Variants in RELB observed in about 807,000 individuals in gnomAD.
RELB encodes the protein transcription factor RelB.
Under a neutral mutation model 55.4 loss-of-function variants are expected in RELB, and 14 were observed. The observed-to-expected ratio is 0.25, with a 90% CI of 0.17 to 0.40. The LOEUF is 0.40. Ranked by LOEUF, RELB falls within the 10% of genes least tolerant of loss-of-function variation. RELB has a pLI of 1.00. For synonymous variants in RELB, 409 were observed against 371.3 expected (o/e 1.10, Z -1.17); for missense variants, 669 against 830.7 (o/e 0.81, Z 2.39).
At chr19:45,004,027 A>G (rs1308755333) in intron 2 of RELB, among the ~76,000 whole-genome samples, 4 of 146,098 alleles carry the variant, frequency 2.7e-5, no homozygotes, top group Non-Finnish European at 4.5e-5. Context: ...GGGTTCAGCA[A>G]TTCTCCTGCC....
At position 45,009,802 on chromosome 19, in the gene RELB, T is replaced by C. The variant is rs903736779; in HGVS notation, c.155-12T>C. 6.3e-7 allele frequency: 1 copy of C among 1,599,100 alleles called. No individual in the cohort carries two copies. Among genetic ancestry groups the C allele is most frequent in the African/African-American group, 1.3e-5 (1 of 74,892 alleles). ...CCTTACCTTTCTCTTTCTCTTTCTC[T>C]TCCTTCCACAGATGAATTGGGTGAG... On this transcript the variant is annotated splice_polypyrimidine_tract_variant and intron_variant, in intron 2 of 11. Coordinates refer to ENST00000221452, the MANE Select transcript of RELB (RefSeq NM_006509.4).
At chr19:45,037,314 A>C in intron 11 of RELB, 91 bp from the exon 12 acceptor site, 1 of 1,332,342 alleles carries the variant, frequency 7.5e-7, no homozygotes, top group Non-Finnish European at 9.9e-7. Flanking sequence ...CCTTGATATC[A>C]CATTTTGCAG....
Position 45,037,791 on chromosome 19 carries a change from C to A in RELB, c.*1C>A. 6.8e-7 allele frequency: 1 copy of A among 1,479,924 alleles called. No individual in the cohort carries two copies. 91.7% of individuals were successfully genotyped at this position (1,479,924 alleles called of 1,614,324 possible). On this transcript the variant is annotated 3_prime_UTR_variant, in exon 12 of 12. Coordinates refer to ENST00000221452, the MANE Select transcript of RELB (RefSeq NM_006509.4). Reference sequence around the variant, plus strand: ...ATCCCCGGGGCCTGAAGCCACGTAGCCCCGCGATGCCAGAGGAGGGGCACT... The same window carrying A: ...ATCCCCGGGGCCTGAAGCCACGTAGACCCGCGATGCCAGAGGAGGGGCACT...
intron 7 of RELB, among the ~76,000 whole-genome samples, chr19:45,028,322 A>G (rs1308750361): frequency 1.3e-5 from 2 of 151,864 alleles, no homozygotes; most frequent in Non-Finnish European, 2.9e-5. Flanking sequence ...TTGCCTAGCA[A>G]AGGATCTTCT....
intron 11 of RELB, among the ~76,000 whole-genome samples, chr19:45,036,811 T>C (rs1332686637): frequency 2.0e-5 from 3 of 152,224 alleles, no homozygotes; most frequent in Non-Finnish European, 4.4e-5. Context: ...GCCAGGTAGC[T>C]GGGACTACAG....
intron 7 of RELB, among the ~76,000 whole-genome samples, chr19:45,027,633 A>G (rs921782687): frequency 2.6e-5 from 4 of 152,090 alleles, no homozygotes; most frequent in African/African-American, 4.8e-5. Flanking sequence ...GCGCTCAATT[A>G]CTGCTGAGCT....
intron 8 of RELB, 39 bp from the exon 9 acceptor site, chr19:45,032,495 G>C: frequency 1.3e-6 from 2 of 1,534,448 alleles, no homozygotes; most frequent in South Asian, 1.2e-5. Flanking sequence ...CAGTGGTCCA[G>C]ATGTCCTGGC....
chr19:45,007,931 C>T (rs910789396), intron 2 of RELB, among the ~76,000 whole-genome samples: 3 of 141,240 alleles, frequency 2.1e-5, no homozygotes, highest in South Asian at 2.3e-4. Context: ...CCGAGGTGCG[C>T]GGATCATGAG....
In RELB at chr19:45,025,603, C is replaced by T. The variant is rs1361510706; in HGVS notation, c.755-3C>T. The T allele has an allele frequency of 6.8e-6, 11 of 1,613,820 alleles. No individual in the cohort carries two copies. The highest frequency in any genetic ancestry group is 1.1e-5 in the South Asian group (1 of 91,086). ...CTCAGCCTCCCCATATCTCCCCCGA[C>T]AGCTGGGTCCCTGAAGAACCATCAG... is the stretch of plus-strand genomic sequence containing the variant. On this transcript the variant is annotated splice_region_variant and splice_polypyrimidine_tract_variant and intron_variant, in intron 6 of 11. Coordinates refer to ENST00000221452, the MANE Select transcript of RELB (RefSeq NM_006509.4).
At chr19:45,029,510 C>G (rs1434684846) in intron 8 of RELB, among the ~76,000 whole-genome samples, 1 of 151,652 alleles carries the variant, frequency 6.6e-6, no homozygotes, top group Non-Finnish European at 1.5e-5. Flanking sequence ...CTCAGGAGTT[C>G]GAGACCAGCC....
intron 4 of RELB, among the ~76,000 whole-genome samples, chr19:45,014,794 C>G (rs1971403036): frequency 6.6e-6 from 1 of 152,038 alleles, no homozygotes; most frequent in Admixed American, 6.6e-5. Context: ...GCTGGGATTA[C>G]AGGTGTGAGC....
Position 45,002,973 on chromosome 19 carries a change from C to T in RELB, c.131C>T (p.Ser44Leu). 3 of 1,613,518 alleles carry T rather than the reference C, an allele frequency of 1.9e-6. No homozygotes were observed. The highest frequency in any genetic ancestry group is 2.2e-5 in the South Asian group (2 of 90,994). The change falls in exon 2 of 12, where the codon TCG becomes TTG. Residue 44 changes from serine (S) to leucine (L), a missense_variant. Around this residue, in one of 3 missense-constraint regions of RELB, gnomAD observed 323 missense variants for 368.5 expected, o/e 0.88. Coordinates refer to ENST00000221452, the MANE Select transcript of RELB (RefSeq NM_006509.4). Reference sequence around the variant, plus strand: ...GGGTCCCCCGACCTCTCCTCACTCTCGCTCGCCGTTTCCAGGAGCACAGGT... The same window carrying T: ...GGGTCCCCCGACCTCTCCTCACTCTTGCTCGCCGTTTCCAGGAGCACAGGT... ...ALGSPDLSSL[S>L]LAVSRSTDEL...
intron 4 of RELB, among the ~76,000 whole-genome samples, chr19:45,017,731 T>TCACTGCAACA: frequency 6.7e-6 from 1 of 149,652 alleles, no homozygotes; most frequent in South Asian, 2.1e-4. Context: ...GTGCGATCTC[T>TCACTGCAACA]GCCTCTCAGG....
At chr19:45,010,713 T>C (rs1420196503) in intron 3 of RELB, among the ~76,000 whole-genome samples, 1 of 152,180 alleles carries the variant, frequency 6.6e-6, no homozygotes, top group East Asian at 1.9e-4. Context: ...AGTCTCGCTC[T>C]GTCGCCCAGG....
At chr19:45,035,039 A>G (rs1387753189) in intron 11 of RELB, among the ~76,000 whole-genome samples, 1 of 150,910 alleles carries the variant, frequency 6.6e-6, no homozygotes, top group Admixed American at 6.6e-5. Context: ...ACGGTGTTTT[A>G]CCACATTGGC....
chr19:45,031,976 A>G (rs935758865), intron 8 of RELB, among the ~76,000 whole-genome samples: 3 of 151,588 alleles, frequency 2.0e-5, no homozygotes, highest in African/African-American at 4.8e-5. Flanking sequence ...GGTGGCTTAC[A>G]TCTGTAATCC....
At chr19:45,020,593 T>C (rs1422288545) in intron 4 of RELB, among the ~76,000 whole-genome samples, 6 of 136,668 alleles carry the variant, frequency 4.4e-5, no homozygotes, top group African/African-American at 1.4e-4. Context: ...AGTCTCGCTC[T>C]GTCGCCCAGG....
At chr19:45,021,655 T>A (rs1971490149) in intron 4 of RELB, among the ~76,000 whole-genome samples, 2 of 116,688 alleles carry the variant, frequency 1.7e-5, no homozygotes, top group Admixed American at 1.1e-4. Flanking sequence ...GCTCACTGCA[T>A]CCTCCGCCTC....
intron 9 of RELB, among the ~76,000 whole-genome samples, chr19:45,033,748 G>A (rs1971653291): frequency 6.6e-6 from 1 of 150,766 alleles, no homozygotes; most frequent in Non-Finnish European, 1.5e-5. Flanking sequence ...TCGCCGTGTT[G>A]GTCAGGCTGG....
Sources: allele counts gnomAD v4.1 joint callset (sites outside exome capture counted in the v4.1 genomes callset), GRCh38; gene constraint gnomAD v4.1.1; regional missense constraint gnomAD v4.1.1; transcripts MANE v1.5; gene names NCBI Gene and HGNC (gene_info 2026-07-23, HGNC 2026-07-21).